The following TNR variants were observed in gnomAD, a reference collection of about 807,000 sequenced individuals.
TNR encodes the protein tenascin R.
A neutral mutation model predicts 150.4 loss-of-function variants in TNR; 45 were observed. The ratio of observed to expected loss-of-function variants is 0.30; its 90% CI spans 0.24 to 0.38. The LOEUF (loss-of-function observed/expected upper bound fraction) is 0.38. Ranked by LOEUF, TNR falls within the 10% of genes least tolerant of loss-of-function variation. TNR has a pLI of 1.00. For missense variants in TNR, 1,544 were observed against 1,759.1 expected (o/e 0.88, Z 2.19); for synonymous variants, 687 against 678.4 (o/e 1.01, Z -0.20).
chr1:175,425,049 A>G (rs1021982488), intron 2 of TNR, among the ~76,000 whole-genome samples: 6 of 152,116 alleles, frequency 3.9e-5, no homozygotes, highest in South Asian at 4.1e-4. Flanking sequence ...GAAACACTAT[A>G]AGCAGACCTC....
At position 175,403,148 on chromosome 1, in the gene TNR, C is replaced by T. The variant is rs752070887; in HGVS notation, c.968G>A (p.Cys323Tyr). The T allele has an allele frequency of 1.2e-6, 2 of 1,608,924 alleles. No individual in the cohort carries two copies. The highest frequency in any genetic ancestry group is 1.7e-6 in the Non-Finnish European group (2 of 1,175,834). Residue 323 changes from cysteine to tyrosine, a missense_variant, in exon 4 of 23, where the codon TGC (cysteine) becomes TAC (tyrosine). Cys to Tyr is a radical substitution (Grantham distance 194). This residue lies in a region of TNR where 1,254 missense variants were observed against 1,329.4 expected (regional missense o/e 0.94). Coordinates refer to ENST00000367674, the MANE Select transcript of TNR (RefSeq NM_003285.3). ...AGAGTTCCCCTGCCTACCTGCTGAGCAGTCAGGGCCCTGGTAGCCCTCTTC... is the reference window on the plus strand; with the variant it reads ...AGAGTTCCCCTGCCTACCTGCTGAGTAGTCAGGGCCCTGGTAGCCCTCTTC... ...VCEEGYQGPD[C>Y]SAVAPPEDLR...
intron 1 of TNR, among the ~76,000 whole-genome samples, chr1:175,695,726 A>C (rs1558077392): frequency 6.6e-6 from 1 of 151,874 alleles, no homozygotes; most frequent in Non-Finnish European, 1.5e-5. Context: ...ATCTTTTTTG[A>C]CCCCATTCCA....
chr1:175,489,450 C>G (rs1321134083), intron 2 of TNR, among the ~76,000 whole-genome samples: 1 of 152,162 alleles, frequency 6.6e-6, no homozygotes, highest in Non-Finnish European at 1.5e-5. Context: ...TCCCAAACAC[C>G]CTGTGAATCA....
intron 9 of TNR, among the ~76,000 whole-genome samples, chr1:175,372,316 A>T (rs1216754253): frequency 2.6e-5 from 4 of 152,238 alleles, no homozygotes; most frequent in Non-Finnish European, 4.4e-5. Flanking sequence ...GCAGGACCAA[A>T]GCAGAGGCTG....
chr1:175,403,099 G>A (rs1653787988), intron 4 of TNR, 41 bp downstream of exon 4: 3 of 1,552,452 alleles, frequency 1.9e-6, no homozygotes, highest in Admixed American at 1.7e-5. Flanking sequence ...TAGTTTGCTG[G>A]ACCACCCTTG....
intron 18 of TNR, among the ~76,000 whole-genome samples, chr1:175,351,775 T>C (rs997231610): frequency 7.2e-5 from 11 of 152,164 alleles, no homozygotes; most frequent in African/African-American, 2.7e-4. Flanking sequence ...TGCGAAAGCT[T>C]CCAAACACAG....
At position 175,391,394 on chromosome 1, in the gene TNR, C is replaced by T. The variant is rs141092679; in HGVS notation, c.1401G>A (p.Thr467=). The T allele has an allele frequency of 1.0e-4, 164 of 1,614,036 alleles. No individual in the cohort carries two copies. In the Admixed American group the frequency reaches 1.8e-3, roughly 17 times the overall value. ...GVIAQVPSDV[T]SFNQTGLKPG... ...GCTTTAGTCCTGTCTGGTTAAAGGACGTAACATCGCTGGGGACCTGAGCAA... is the reference window on the plus strand; with the variant it reads ...GCTTTAGTCCTGTCTGGTTAAAGGATGTAACATCGCTGGGGACCTGAGCAA... The change falls in exon 7 of 23, where the codon ACG becomes ACA. Residue 467 remains threonine, a synonymous_variant. Transcript: ENST00000367674.
At chr1:175,408,229 G>A (rs1571399240) in intron 2 of TNR, among the ~76,000 whole-genome samples, 2 of 152,192 alleles carry the variant, frequency 1.3e-5, no homozygotes, top group Admixed American at 1.3e-4. Flanking sequence ...TCAGGACGGC[G>A]AGAGTGCTCA....
intron 2 of TNR, among the ~76,000 whole-genome samples, chr1:175,500,354 T>G (rs926872942): frequency 1.3e-5 from 2 of 152,146 alleles, no homozygotes; most frequent in Non-Finnish European, 2.9e-5. Flanking sequence ...CTTGTGTGGA[T>G]GTAGAATTTC....
chr1:175,576,187 C>T lies in TNR; in HGVS notation c.-164-47818G>A, dbSNP rs74999407. On this transcript the variant is annotated intron_variant, in intron 1 of 22. Transcript: ENST00000367674. ...CCTGCTGTGTGCAGCTGCGGGATTT[C>T]ACTGGATAGAAGTTTAAAAAGAAAT... is the stretch of plus-strand genomic sequence containing the variant. Among the ~76,000 whole-genome samples the T allele has an allele frequency of 2.2e-4, 33 of 152,324 alleles. No individual in the cohort carries two copies. In the East Asian group the frequency reaches 6.0e-3, roughly 28 times the overall value.
intron 18 of TNR, among the ~76,000 whole-genome samples, chr1:175,345,306 G>A (rs1650728122): frequency 6.6e-6 from 1 of 152,040 alleles, no homozygotes; most frequent in Admixed American, 6.5e-5. Context: ...CCAAGCAGAG[G>A]AGCCGATAAC....
chr1:175,735,456 G>A (rs1667747207), intron 1 of TNR, among the ~76,000 whole-genome samples: 1 of 152,212 alleles, frequency 6.6e-6, no homozygotes, highest in African/African-American at 2.4e-5. Flanking sequence ...TGGCTTATTA[G>A]GGTATATGTT....
chr1:175,432,580 T>A (rs1305994542), intron 2 of TNR, among the ~76,000 whole-genome samples: 1 of 152,230 alleles, frequency 6.6e-6, no homozygotes, highest in Non-Finnish European at 1.5e-5. Flanking sequence ...CTTACTTTCC[T>A]TCTTTCATTT....
chr1:175,734,745 C>G (rs898202332), intron 1 of TNR, among the ~76,000 whole-genome samples: 1 of 152,212 alleles, frequency 6.6e-6, no homozygotes, highest in Non-Finnish European at 1.5e-5. Context: ...AAACAGCCCT[C>G]GCAGAAAAGG....
intron 2 of TNR, among the ~76,000 whole-genome samples, chr1:175,497,426 A>G (rs1303438487): frequency 1.3e-5 from 2 of 152,254 alleles, no homozygotes; most frequent in Non-Finnish European, 2.9e-5. Flanking sequence ...GGAGCATGAC[A>G]GGGTATCCAG....
At chr1:175,591,393 C>T (rs974930827) in intron 1 of TNR, among the ~76,000 whole-genome samples, 2 of 152,226 alleles carry the variant, frequency 1.3e-5, no homozygotes, top group African/African-American at 2.4e-5. Flanking sequence ...GACCCTGGCA[C>T]TTCAAACCCT....
chr1:175,445,842 C>T (rs1656022507), intron 2 of TNR, among the ~76,000 whole-genome samples: 2 of 152,150 alleles, frequency 1.3e-5, no homozygotes, highest in Admixed American at 6.5e-5. Flanking sequence ...TTAGATGTTC[C>T]CCTTTATTGA....
At chr1:175,354,287 C>A in intron 18 of TNR, 104 bp downstream of exon 18, 1 of 1,468,358 alleles carries the variant, frequency 6.8e-7, no homozygotes, top group Non-Finnish European at 9.1e-7. Context: ...GGCAACTGAG[C>A]TTTTTTGATA....
intron 4 of TNR, among the ~76,000 whole-genome samples, chr1:175,401,497 G>A (rs184583268): frequency 1.3e-5 from 2 of 152,106 alleles, no homozygotes; most frequent in Admixed American, 1.3e-4. Context: ...GATAATTGGT[G>A]TGGTGACAAT....
Sources: gnomAD v4.1 joint callset for allele counts (sites outside exome capture counted in the v4.1 genomes callset) on GRCh38, gnomAD v4.1.1 for gene constraint, gnomAD v4.1.1 regional missense constraint, MANE v1.5 for transcripts, NCBI Gene and HGNC (gene_info 2026-07-23, HGNC 2026-07-21) for gene names.